The following YES1 variants were observed in gnomAD, a reference collection of about 807,000 sequenced individuals.
The protein encoded by YES1 is tyrosine-protein kinase Yes.
In YES1, 39 loss-of-function variants were observed where a neutral mutation model predicts 70.4. The observed-to-expected ratio is 0.55, with a 90% confidence interval of 0.43 to 0.72. YES1 has a LOEUF of 0.72. Ranked by LOEUF, YES1 falls within the 30% of genes least tolerant of loss-of-function variation. The pLI is 0.00. For missense variants in YES1, 495 were observed against 644.8 expected (o/e 0.77, Z 2.52); for synonymous variants, 198 against 218.6 (o/e 0.91, Z 0.83).
At chr18:795,671 C>T (rs1037966659) in intron 1 of YES1, among the ~76,000 whole-genome samples, 3 of 148,976 alleles carry the variant, frequency 2.0e-5, no homozygotes, top group Admixed American at 6.8e-5. Flanking sequence ...AACCAAACAC[C>T]GTATGTTCTC....
At chr18:789,440 A>C (rs1000377346) in intron 1 of YES1, among the ~76,000 whole-genome samples, 1 of 152,102 alleles carries the variant, frequency 6.6e-6, no homozygotes, top group African/African-American at 2.4e-5. Context: ...AAAATTAGCC[A>C]AGTGTGGTAG....
chr18:785,167 A>C (rs1439787915), intron 1 of YES1, among the ~76,000 whole-genome samples: 3 of 149,976 alleles, frequency 2.0e-5, no homozygotes, highest in Admixed American at 2.0e-4. Context: ...TTTTTTTTTT[A>C]ACCTCATCAG....
In YES1 at chr18:722,286, T is replaced by C. The variant is rs534981890; in HGVS notation, c.*2138A>G. On this transcript the variant is annotated 3_prime_UTR_variant, in exon 12 of 12. Transcript: ENST00000314574. Reference sequence around the variant, plus strand: ...AGACCCTCTTGGTAGAGAGTGTCAATACTAAGCAGGTTACGTAAACAGAAA... The same window carrying C: ...AGACCCTCTTGGTAGAGAGTGTCAACACTAAGCAGGTTACGTAAACAGAAA... 3 of 152,760 alleles carry C rather than the reference T, an allele frequency of 2.0e-5. No individual in the cohort carries two copies. The highest frequency in any genetic ancestry group is 6.5e-5 in the Admixed American group (1 of 15,300). 9.5% of individuals were successfully genotyped at this position (152,760 alleles called of 1,614,324 possible).
At chr18:782,675 G>A (rs1905733123) in intron 1 of YES1, among the ~76,000 whole-genome samples, 1 of 152,068 alleles carries the variant, frequency 6.6e-6, no homozygotes, top group Admixed American at 6.6e-5. Flanking sequence ...CATGTAAAAA[G>A]GATTATTTTT....
chr18:792,059 C>G (rs758348096), intron 1 of YES1, among the ~76,000 whole-genome samples: 4 of 152,030 alleles, frequency 2.6e-5, no homozygotes, highest in Non-Finnish European at 5.9e-5. Context: ...CTATGCTTTT[C>G]TACTAAAAAA....
At chr18:790,217 A>C (rs999166182) in intron 1 of YES1, among the ~76,000 whole-genome samples, 3 of 152,118 alleles carry the variant, frequency 2.0e-5, no homozygotes, top group African/African-American at 4.8e-5. Context: ...CTCTACTAAA[A>C]ATACAAAAAT....
rs143597230 is a variant in YES1 at position 804,512 on chromosome 18, G to A, written c.-9+7602C>T. On this transcript the variant is annotated intron_variant, in intron 1 of 11. Transcript: ENST00000314574. The stretch of plus-strand genomic sequence containing the variant: ...TAATCCCAGCTACTGAGGAGGCTGA[G>A]GCAGGGAGAATTGCTTGAACCCGGG... 9.9e-3 allele frequency among the ~76,000 whole-genome samples: 1,503 copies of A among 151,352 alleles called. 21 individuals are homozygous for A. Among genetic ancestry groups the A allele is most frequent in the African/African-American group, 0.035 (1,429 of 41,136 alleles).
chr18:752,907 C>T (rs1045612938), intron 2 of YES1, among the ~76,000 whole-genome samples: 1 of 152,108 alleles, frequency 6.6e-6, no homozygotes, highest in Admixed American at 6.5e-5. Flanking sequence ...TATGCCACTG[C>T]ACTGTAGCCT....
At chr18:750,680 C>G (rs541668671) in intron 3 of YES1, among the ~76,000 whole-genome samples, 2 of 152,028 alleles carry the variant, frequency 1.3e-5, no homozygotes, top group East Asian at 3.9e-4. Flanking sequence ...TATGTAAACA[C>G]CTAAGAGAGA....
chr18:798,249 TTTC>T (rs1216455930), intron 1 of YES1: 4 of 152,264 alleles, frequency 2.6e-5, no homozygotes, highest in Non-Finnish European at 5.9e-5. Flanking sequence ...TCACCTATTA[TTTC>T]AAGTTTCCTG....
intron 1 of YES1, among the ~76,000 whole-genome samples, chr18:761,242 TAAA>T (rs79610931): frequency 4.5e-5 from 6 of 132,294 alleles, no homozygotes; most frequent in Non-Finnish European, 6.5e-5. Context: ...CTTTGCCGTT[TAAA>T]AAAAAAAAAA....
intron 3 of YES1, among the ~76,000 whole-genome samples, chr18:749,410 A>C (rs1459733380): frequency 6.6e-6 from 1 of 152,090 alleles, no homozygotes; most frequent in East Asian, 1.9e-4. Context: ...AGGCAGGAGA[A>C]TCGCTTGAAC....
chr18:798,408 C>G (rs900857835), intron 1 of YES1, among the ~76,000 whole-genome samples: 1 of 152,148 alleles, frequency 6.6e-6, no homozygotes, highest in Non-Finnish European at 1.5e-5. Context: ...ACCCTCTTTT[C>G]TACTTGACAT....
chr18:731,836 G>A lies in YES1; in HGVS notation c.1423+998C>T, dbSNP rs141311656. On this transcript the variant is annotated intron_variant, in intron 11 of 11. Transcript: ENST00000314574. Reference sequence around the variant, plus strand: ...CAAAAAATTAGCTGGGCGTGGTGGCGGGTGCCTATAGTCCTAGCTACTCGG... The same window carrying A: ...CAAAAAATTAGCTGGGCGTGGTGGCAGGTGCCTATAGTCCTAGCTACTCGG... Among the ~76,000 whole-genome samples the A allele has an allele frequency of 4.9e-3, 742 of 151,876 alleles. 17 individuals are homozygous for A. Among genetic ancestry groups the A allele is most frequent in the East Asian group, 0.024 (123 of 5,130 alleles).
At chr18:792,633 A>G (rs1295087409) in intron 1 of YES1, among the ~76,000 whole-genome samples, 1 of 151,648 alleles carries the variant, frequency 6.6e-6, no homozygotes, top group Non-Finnish European at 1.5e-5. Flanking sequence ...ACGCACACAC[A>G]TTCATATATA....
At chr18:774,363 T>C (rs1305365275) in intron 1 of YES1, among the ~76,000 whole-genome samples, 1 of 152,236 alleles carries the variant, frequency 6.6e-6, no homozygotes, top group Non-Finnish European at 1.5e-5. Flanking sequence ...TACGGACTTC[T>C]GGACTTCTCA....
chr18:745,505 G>C (rs950847875), intron 6 of YES1, among the ~76,000 whole-genome samples: 1 of 152,164 alleles, frequency 6.6e-6, no homozygotes, highest in Non-Finnish European at 1.5e-5. Flanking sequence ...CAAATGATGA[G>C]AGTCTATTAG....
At chr18:783,200 T>C (rs748387629) in intron 1 of YES1, among the ~76,000 whole-genome samples, 22 of 152,072 alleles carry the variant, frequency 1.4e-4, no homozygotes, top group African/African-American at 1.9e-4. Context: ...CTGGGCAAAA[T>C]AGCTAGACCC....
chr18:803,095 T>C (rs1427218903), intron 1 of YES1, among the ~76,000 whole-genome samples: 2 of 151,956 alleles, frequency 1.3e-5, no homozygotes, highest in Non-Finnish European at 2.9e-5. Flanking sequence ...TAGCTGGGCA[T>C]GGTGGCTCAC....
Sources: allele counts gnomAD v4.1 joint callset (sites outside exome capture counted in the v4.1 genomes callset), GRCh38; gene constraint gnomAD v4.1.1; transcripts MANE v1.5; gene names NCBI Gene and HGNC (gene_info 2026-07-23, HGNC 2026-07-21).